Variants in CACNB4 observed in about 807,000 individuals in gnomAD.
The protein encoded by CACNB4 is voltage-dependent L-type calcium channel subunit beta-4.
CACNB4 carries 32 observed loss-of-function variants against 71.2 expected under a neutral mutation model. That is an observed-to-expected ratio of 0.45 (90% CI 0.34 to 0.60). The LOEUF (loss-of-function observed/expected upper bound fraction) is 0.60. Ranked by LOEUF, CACNB4 falls within the 20% of genes least tolerant of loss-of-function variation. The pLI, the probability that CACNB4 is intolerant of heterozygous loss-of-function variation, is 0.01. For synonymous variants in CACNB4, 231 were observed against 236.9 expected (o/e 0.97, Z 0.23); for missense variants, 464 against 647.9 (o/e 0.72, Z 3.08).
chr2:152,081,701 G>A (rs1022022435), intron 2 of CACNB4, among the ~76,000 whole-genome samples: 4 of 152,026 alleles, frequency 2.6e-5, no homozygotes, highest in Non-Finnish European at 5.9e-5. Flanking sequence ...CCCAAAGGCC[G>A]CACCTCCAAA....
chr2:152,066,641 T>C (rs1388215689), intron 2 of CACNB4, among the ~76,000 whole-genome samples: 2 of 150,594 alleles, frequency 1.3e-5, no homozygotes, highest in African/African-American at 4.9e-5. Context: ...ATCCCATTAC[T>C]GGGTATATAC....
intron 2 of CACNB4, chr2:151,973,709 TAC>T (rs1216057662): frequency 6.2e-7 from 1 of 1,613,350 alleles, no homozygotes; most frequent in Non-Finnish European, 8.5e-7. Flanking sequence ...CAAATTGTCA[TAC>T]ATGGAGGTGT....
chr2:152,035,651 C>CTCTCTCTCTCTCTCTCTCTATATATATA (rs796161186), intron 2 of CACNB4, among the ~76,000 whole-genome samples: 1 of 118,042 alleles, frequency 8.5e-6, no homozygotes, highest in African/African-American at 3.6e-5. Context: ...CTCTCTCTCT[C>CTCTCTCTCTCTCTCTCTCTATATATATA]TATATATATA....
intron 2 of CACNB4, among the ~76,000 whole-genome samples, chr2:152,007,774 A>ATT (rs35311254): frequency 3.5e-5 from 5 of 144,722 alleles, no homozygotes; most frequent in African/African-American, 5.1e-5. Context: ...ATTCTACGTA[A>ATT]TTTTTTTTTT....
chr2:151,875,858 T>A (rs373914098), intron 5 of CACNB4, among the ~76,000 whole-genome samples: 1 of 77,382 alleles, frequency 1.3e-5, no homozygotes, highest in Non-Finnish European at 2.6e-5. Flanking sequence ...GACCCCCCCA[T>A]CTCCCTCCCG....
rs1337168622 is a variant in CACNB4, at chr2:152,098,628, C to T, written c.64-215G>A. The T allele has an allele frequency of 6.4e-7, 1 of 1,564,314 alleles. No homozygotes were observed. Among genetic ancestry groups the T allele is most frequent in the Non-Finnish European group, 8.7e-7 (1 of 1,153,626 alleles). ...GAAAAGATGCTCGAGAAGAGCAGCCCGCAAGCACCCACCACATCCATTAAC... is the reference window on the plus strand; with the variant it reads ...GAAAAGATGCTCGAGAAGAGCAGCCTGCAAGCACCCACCACATCCATTAAC... On this transcript the variant is annotated intron_variant, in intron 1 of 13. Transcript: ENST00000539935. This position sits in a 1 kb window ranked among gnomAD's most constrained non-coding sequence, Gnocchi z 5.3.
At chr2:151,869,585 T>C (rs2099844078) in intron 8 of CACNB4, 1 of 193,774 alleles carries the variant, frequency 5.2e-6, no homozygotes, top group East Asian at 1.3e-4. Context: ...GCCTGAGTTG[T>C]GCCTGCCTCC....
At chr2:151,919,694 G>T (rs4664508) in intron 2 of CACNB4, among the ~76,000 whole-genome samples, 70,185 of 151,714 alleles carry the variant, frequency 0.46, 18,432 homozygotes, top group East Asian at 0.79. Flanking sequence ...CTCCTTTTTT[G>T]CCTCCCTCCT....
chr2:151,855,253 T>A lies in CACNB4; in HGVS notation c.991A>T (p.Ile331Phe). Residue 331 changes from isoleucine to phenylalanine, a missense_variant, in exon 11 of 14, where the codon ATT (isoleucine) becomes TTT (phenylalanine). Physicochemically the swap from Ile to Phe is conservative, Grantham distance 21 (BLOSUM62 0). Coordinates refer to ENST00000539935, the MANE Select transcript of CACNB4 (RefSeq NM_000726.5). ...QLIKTSLAPI[I>F]VHVKVSSPKV... ...GGAGATGAGACTTTTACATGAACAA[T>A]AATTGGTGCTAAGGAAGTCTTTATA... 2 of 1,546,718 alleles carry A rather than the reference T, an allele frequency of 1.3e-6. No homozygotes were observed. The highest frequency in any genetic ancestry group is 1.2e-5 in the South Asian group (1 of 82,440).
chr2:151,883,183 G>C, intron 3 of CACNB4, 68 bp downstream of exon 3: 3 of 1,513,112 alleles, frequency 2.0e-6, no homozygotes, highest in Middle Eastern at 1.7e-4. Context: ...TGTGAGGTAA[G>C]GGAAGAGCAG....
chr2:152,017,130 C>T (rs1683389969), intron 2 of CACNB4, among the ~76,000 whole-genome samples: 1 of 149,632 alleles, frequency 6.7e-6, no homozygotes, highest in Admixed American at 6.6e-5. Flanking sequence ...GGCACAGCAC[C>T]CACTCCAATA....
chr2:151,874,943 C>G (rs2099845574), intron 5 of CACNB4: 1 of 399,112 alleles, frequency 2.5e-6, no homozygotes, highest in African/African-American at 2.1e-5. Context: ...CACCCAAATA[C>G]CAGGAGACAA....
chr2:151,992,472 T>C (rs1681763735), intron 2 of CACNB4, among the ~76,000 whole-genome samples: 1 of 152,254 alleles, frequency 6.6e-6, no homozygotes, highest in African/African-American at 2.4e-5. Flanking sequence ...TTTGGGACGT[T>C]GTTAGCATGT....
intron 2 of CACNB4, among the ~76,000 whole-genome samples, chr2:151,905,380 T>C (rs1170693481): frequency 6.6e-6 from 1 of 152,218 alleles, no homozygotes; most frequent in Non-Finnish European, 1.5e-5. Context: ...ATCTTCCCGA[T>C]GTGCACTCAT....
intron 2 of CACNB4, among the ~76,000 whole-genome samples, chr2:151,938,730 C>T (rs959175414): frequency 6.6e-6 from 1 of 152,212 alleles, no homozygotes; most frequent in Admixed American, 6.5e-5. Context: ...AACCCTCCTA[C>T]CCCCAATACA....
At chr2:152,079,800 AT>A (rs1052249624) in intron 2 of CACNB4, among the ~76,000 whole-genome samples, 1 of 152,188 alleles carries the variant, frequency 6.6e-6, no homozygotes, top group South Asian at 2.1e-4. Flanking sequence ...AAATAAAAAA[AT>A]AAAAGTAAAA....
intron 2 of CACNB4, among the ~76,000 whole-genome samples, chr2:152,042,124 G>A (rs1684904128): frequency 6.6e-6 from 1 of 152,208 alleles, no homozygotes; most frequent in Admixed American, 6.5e-5. Flanking sequence ...CTAGGGCCAG[G>A]TAAATGACTC....
At chr2:151,960,569 C>T (rs2099869412) in intron 2 of CACNB4, among the ~76,000 whole-genome samples, 1 of 152,202 alleles carries the variant, frequency 6.6e-6, no homozygotes, top group Non-Finnish European at 1.5e-5. Flanking sequence ...CCACCATGAA[C>T]ATCACCAATG....
chr2:151,872,731 T>C (rs917599483), intron 5 of CACNB4: 4 of 342,286 alleles, frequency 1.2e-5, no homozygotes, highest in African/African-American at 8.8e-5. Flanking sequence ...AGTTACTCAG[T>C]GCGGAAATCA....
Sources: allele counts gnomAD v4.1 joint callset (sites outside exome capture counted in the v4.1 genomes callset), GRCh38; gene constraint gnomAD v4.1.1; non-coding constraint Gnocchi (gnomAD v3.1); transcripts MANE v1.5; gene names NCBI Gene and HGNC (gene_info 2026-07-23, HGNC 2026-07-21).